The following GGT5 variants were observed in gnomAD, a reference collection of about 807,000 sequenced individuals.
The protein encoded by GGT5 is gamma-glutamyltransferase 5.
In GGT5, 50 loss-of-function variants were observed where a neutral mutation model predicts 58.1. The ratio of observed to expected loss-of-function variants is 0.86; its 90% CI spans 0.69 to 1.09. The LOEUF is 1.09. GGT5 is among the 50% of genes least tolerant of loss of function. The probability of loss-of-function intolerance (pLI) is 0.00; values close to 1 mark genes in which losing one functional copy is unlikely to be tolerated. For synonymous variants in GGT5, 370 were observed against 346.1 expected (o/e 1.07, Z -0.77); for missense variants, 800 against 789.4 (o/e 1.01, Z -0.16).
Position 24,232,199 on chromosome 22 carries a change from G to C in GGT5, c.606C>G (p.Phe202Leu), listed in dbSNP as rs769297020. 7.3e-6 allele frequency: 8 copies of C among 1,091,436 alleles called. No individual in the cohort carries two copies. The East Asian group carries it at 2.6e-4, about 36-fold the overall frequency. The allele number at this position is 1,091,436 out of a possible 1,614,324, so 67.6% of individuals were successfully genotyped here. A position where few individuals can be genotyped will look rare whatever the true frequency, so the allele number is the denominator to read the frequency against. Residue 202 changes from phenylalanine (F) to leucine (L), a missense_variant, in exon 5 of 12, where the codon TTC becomes TTG. Physicochemically the swap from Phe to Leu is conservative, Grantham distance 22. Transcript: ENST00000327365. ...SLQASTLRQL[F>L]FNGTEPLRPQ... is the part of the protein sequence containing the mutation. Reference sequence around the variant, plus strand: ...GCCTCAGGGGTTCTGTCCCGTTGAAGAAGAGCTGGCTGGGGGGTGGGGGGA... The same window carrying C: ...GCCTCAGGGGTTCTGTCCCGTTGAACAAGAGCTGGCTGGGGGGTGGGGGGA...
intron 6 of GGT5, among the ~76,000 whole-genome samples, chr22:24,229,004 C>G (rs572181197): frequency 6.6e-6 from 1 of 151,938 alleles, no homozygotes; most frequent in South Asian, 2.1e-4. Flanking sequence ...GCAGGAGAAT[C>G]GCTTGAACCG....
chr22:24,224,525 A>C (rs1473359766), intron 11 of GGT5, among the ~76,000 whole-genome samples: 1 of 151,846 alleles, frequency 6.6e-6, no homozygotes, highest in Admixed American at 6.6e-5. Context: ...CTCAAAAAAA[A>C]AAAAAATTAT....
chr22:24,238,821 ATAT>A lies in GGT5; in HGVS notation c.174-4820_174-4818del, dbSNP rs1569371505. The stretch of plus-strand genomic sequence containing the variant: ...TATATATATATAATATATTATATAT[ATAT>A]ATATATATTTATATATATATATTAT... On this transcript the variant is annotated intron_variant, in intron 1 of 11. Transcript: ENST00000327365. 9.1e-3 allele frequency among the ~76,000 whole-genome samples: 155 copies of A among 16,984 alleles called. 5 individuals carry two copies. Among genetic ancestry groups the A allele is most frequent in the African/African-American group, 0.049 (148 of 3,024 alleles). 11.1% of individuals were successfully genotyped at this position (16,984 alleles called of 152,430 possible). A position where few individuals can be genotyped will look rare whatever the true frequency, so the allele number is the denominator to read the frequency against.
At position 24,232,975 on chromosome 22, in the gene GGT5, G is replaced by A. The variant is rs1393078224; in HGVS notation, c.444C>T (p.Ala148=). The A allele has an allele frequency of 7.7e-6, 12 of 1,560,960 alleles. No individual in the cohort carries two copies. The highest frequency in any genetic ancestry group is 4.1e-5 in the African/African-American group (3 of 73,604). ...IGVPGELRGY[A]EAHRRHGRLP... ...GGCGGCCATGGCGGCGGTGGGCCTC[G>A]GCATAGCCACGGAGCTCCCCGGGCA... Residue 148 remains alanine, a synonymous_variant, in exon 4 of 12, where the codon GCC becomes GCT. Transcript: ENST00000327365.
chr22:24,239,844 C>A (rs186089494), intron 1 of GGT5, among the ~76,000 whole-genome samples: 1 of 151,530 alleles, frequency 6.6e-6, no homozygotes. Flanking sequence ...CACTTTAGGA[C>A]GCCGAGGTAA....
At position 24,225,587 on chromosome 22, in the gene GGT5, C is replaced by A; in HGVS notation, c.1295G>T (p.Cys432Phe). 1 of 1,613,518 alleles carries A rather than the reference C, an allele frequency of 6.2e-7. No homozygotes were observed. The highest frequency in any genetic ancestry group is 8.5e-7 in the Non-Finnish European group (1 of 1,179,450). ...GCCGGAACCCCGGGGGCATCGCTCGCATAAGTCCAGGAGCTCGTTGTTGAG... is the reference window on the plus strand; with the variant it reads ...GCCGGAACCCCGGGGGCATCGCTCGAATAAGTCCAGGAGCTCGTTGTTGAG... ...IILNNELLDL[C>F]ERCPRGSGTT... is the part of the protein sequence containing the mutation. The change falls in exon 9 of 12, where the codon TGC becomes TTC. Residue 432 changes from cysteine to phenylalanine, a missense_variant. Cys to Phe is a radical substitution (Grantham distance 205). Transcript: ENST00000327365.
intron 5 of GGT5, 48 bp from the exon 6 acceptor site, chr22:24,231,578 G>A (rs569244623): frequency 2.2e-5 from 34 of 1,556,834 alleles, no homozygotes; most frequent in Admixed American, 5.7e-5. Context: ...AAACTGAGGC[G>A]GGGAGGAATA....
At chr22:24,222,934 G>C (rs970680750) in intron 11 of GGT5, among the ~76,000 whole-genome samples, 6 of 152,192 alleles carry the variant, frequency 3.9e-5, no homozygotes, top group African/African-American at 4.8e-5. Flanking sequence ...AAAATTAGCC[G>C]AGCGTGGTGG....
chr22:24,223,919 C>T (rs2047673667), intron 11 of GGT5, among the ~76,000 whole-genome samples: 2 of 151,770 alleles, frequency 1.3e-5, no homozygotes, highest in African/African-American at 4.8e-5. Flanking sequence ...TGTGCCACCA[C>T]GCCTGGCTAA....
chr22:24,235,681 T>C (rs1477851483), intron 1 of GGT5, among the ~76,000 whole-genome samples: 2 of 152,114 alleles, frequency 1.3e-5, no homozygotes, highest in Non-Finnish European at 2.9e-5. Context: ...TAAAACACCA[T>C]AAACAAAGCC....
chr22:24,235,877 A>G (rs1177263771), intron 1 of GGT5, among the ~76,000 whole-genome samples: 1 of 151,784 alleles, frequency 6.6e-6, no homozygotes, highest in African/African-American at 2.4e-5. Context: ...CCAAGAGGGA[A>G]TGGGCCAGGT....
intron 3 of GGT5, 106 bp downstream of exon 3, chr22:24,233,392 C>A: frequency 3.0e-6 from 2 of 657,392 alleles, no homozygotes; most frequent in Admixed American, 5.5e-5. Context: ...TCCCCCCGTG[C>A]CAGGGAGTCA....
At chr22:24,241,266 A>G (rs1455046158) in intron 1 of GGT5, 1 of 152,080 alleles carries the variant, frequency 6.6e-6, no homozygotes, top group Non-Finnish European at 1.5e-5. Flanking sequence ...CCAATAGGTT[A>G]TACATAGAGA....
intron 1 of GGT5, among the ~76,000 whole-genome samples, chr22:24,234,548 G>A (rs1450259119): frequency 1.3e-5 from 2 of 152,316 alleles, no homozygotes; most frequent in South Asian, 2.1e-4. Context: ...GGCTGGGTGT[G>A]GTGGCTCATG....
At chr22:24,223,554 A>G (rs1414690693) in intron 11 of GGT5, among the ~76,000 whole-genome samples, 1 of 152,020 alleles carries the variant, frequency 6.6e-6, no homozygotes, top group African/African-American at 2.4e-5. Context: ...GAGGCCTGCA[A>G]ACTCCAAGAG....
At chr22:24,244,295 GCACACA>G (rs146390000) in intron 1 of GGT5, 15 of 401,170 alleles carry the variant, frequency 3.7e-5, no homozygotes, top group East Asian at 1.7e-4. Flanking sequence ...CAGTGCACGT[GCACACA>G]CACACACACA....
intron 11 of GGT5, among the ~76,000 whole-genome samples, chr22:24,220,881 GAAAAGAA>G (rs1004696373): frequency 6.6e-6 from 1 of 152,044 alleles, no homozygotes; most frequent in African/African-American, 2.4e-5. Flanking sequence ...AAAAATAAAA[GAAAAGAA>G]AAAAGAAAAA....
chr22:24,231,393 C>G lies in GGT5; in HGVS notation c.892G>C (p.Val298Leu), dbSNP rs1318930454. The G allele has an allele frequency of 6.5e-7, 1 of 1,548,786 alleles. No homozygotes were observed. Among genetic ancestry groups the G allele is most frequent in the Non-Finnish European group, 8.7e-7 (1 of 1,145,742 alleles). ...TGGGCAGGGGCTTTACCTCTTAGCA[C>G]GTTGAGGATAAAGCTGAGAATGGCA... ...GGAILSFILNVLRGFNFSTES... is the reference protein window; with the variant it reads ...GGAILSFILNLLRGFNFSTES... Residue 298 changes from valine (V) to leucine (L), a missense_variant, in exon 6 of 12, where the codon GTG (valine) becomes CTG (leucine). Coordinates refer to ENST00000327365, the MANE Select transcript of GGT5 (RefSeq NM_004121.5).
chr22:24,238,785 TATTATATATTTATATATATATA>T lies in GGT5; in HGVS notation c.174-4803_174-4782del, dbSNP rs1569371164. 2.2e-3 allele frequency among the ~76,000 whole-genome samples: 44 copies of T among 20,134 alleles called. 1 individual carries two copies. Among genetic ancestry groups the T allele is most frequent in the African/African-American group, 0.012 (41 of 3,354 alleles). The allele number at this position is 20,134 out of a possible 152,430, so 13.2% of individuals were successfully genotyped here. A position where few individuals can be genotyped will look rare whatever the true frequency, so the allele number is the denominator to read the frequency against. On this transcript the variant is annotated intron_variant, in intron 1 of 11. Transcript: ENST00000327365. ...AATATATATATATATATATAATATA[TATTATATATTTATATATATATA>T]ATATATTATATATATATATATATAT...
Sources: allele counts gnomAD v4.1 joint callset (sites outside exome capture counted in the v4.1 genomes callset), GRCh38; gene constraint gnomAD v4.1.1; transcripts MANE v1.5; gene names NCBI Gene and HGNC (gene_info 2026-07-23, HGNC 2026-07-21).